Variants in ARID4A observed in about 807,000 individuals in gnomAD.
The protein encoded by ARID4A is AT-rich interactive domain-containing protein 4A.
A neutral mutation model predicts 148.6 loss-of-function variants in ARID4A; 39 were observed. That is an observed-to-expected ratio of 0.26 (90% CI 0.20 to 0.34). The LOEUF is 0.34. ARID4A is among the 10% of genes least tolerant of loss of function. The pLI is 1.00. For missense variants in ARID4A, 1,265 were observed against 1,449.1 expected (o/e 0.87, Z 2.06); for synonymous variants, 475 against 481.2 (o/e 0.99, Z 0.17).
At chr14:58,319,042 T>A (rs1243257062) in intron 7 of ARID4A, among the ~76,000 whole-genome samples, 1 of 152,126 alleles carries the variant, frequency 6.6e-6, no homozygotes, top group African/African-American at 2.4e-5. Context: ...TTGCCGAAGT[T>A]TTTTTTGTTT....
chr14:58,346,285 T>A (rs2034362079), intron 12 of ARID4A, 126 bp from the exon 13 acceptor site: 2 of 557,526 alleles, frequency 3.6e-6, no homozygotes, highest in East Asian at 6.4e-5. Flanking sequence ...TTACATTGTT[T>A]AAGGCTCTTT....
chr14:58,341,063 CTCTG>C (rs930746597), intron 11 of ARID4A, among the ~76,000 whole-genome samples: 2 of 152,108 alleles, frequency 1.3e-5, no homozygotes, highest in African/African-American at 4.8e-5. Context: ...CCATCAGTCT[CTCTG>C]TCTTTCTCTC....
At chr14:58,349,990 T>G (rs989707151) in intron 15 of ARID4A, among the ~76,000 whole-genome samples, 69 of 150,482 alleles carry the variant, frequency 4.6e-4, no homozygotes, top group African/African-American at 1.6e-3. Context: ...GCGCCTGTAG[T>G]CCCAGCTACT....
Position 58,304,933 on chromosome 14 carries a change from A to C in ARID4A, c.118-11A>C. On this transcript the variant is annotated splice_polypyrimidine_tract_variant and intron_variant, in intron 3 of 23. Coordinates refer to ENST00000355431, the MANE Select transcript of ARID4A (RefSeq NM_002892.4). Reference sequence around the variant, plus strand: ...AGTAATATGCAAATTATTGTGCAAAATGTTTTTCAGGTACTCCTGAAACAG... The same window carrying C: ...AGTAATATGCAAATTATTGTGCAAACTGTTTTTCAGGTACTCCTGAAACAG... The C allele has an allele frequency of 6.2e-7, 1 of 1,603,466 alleles. No individual in the cohort carries two copies. Among genetic ancestry groups the C allele is most frequent in the Non-Finnish European group, 8.5e-7 (1 of 1,176,022 alleles).
chr14:58,345,625 T>A (rs1231881936), intron 12 of ARID4A, among the ~76,000 whole-genome samples: 1 of 152,070 alleles, frequency 6.6e-6, no homozygotes, highest in African/African-American at 2.4e-5. Flanking sequence ...ATCCTTCAGA[T>A]TACTGCTAAC....
chr14:58,357,645 T>C (rs2034943845), intron 17 of ARID4A, among the ~76,000 whole-genome samples: 1 of 148,714 alleles, frequency 6.7e-6, no homozygotes, highest in African/African-American at 2.5e-5. Flanking sequence ...TCATCAGCTA[T>C]CGTTAGTGTT....
Position 58,335,912 on chromosome 14 carries a change from C to CT in ARID4A, c.906+5746dup, listed in dbSNP as rs759322275. ...CAATCTTACTCCAAGCCACTGTTCT[C>CT]TTTACCTAGCCTAATGCAATAACAA... On this transcript the variant is annotated intron_variant, in intron 11 of 23. Coordinates refer to ENST00000355431, the MANE Select transcript of ARID4A (RefSeq NM_002892.4). Among the ~76,000 whole-genome samples, 4 of 152,224 alleles carry CT rather than the reference C, an allele frequency of 2.6e-5. 1 individual carries two copies.
intron 5 of ARID4A, among the ~76,000 whole-genome samples, chr14:58,316,061 T>C (rs2180870): frequency 0.17 from 25,620 of 152,216 alleles, 2,571 homozygotes; most frequent in African/African-American, 0.27. Flanking sequence ...AAAAAACTTA[T>C]TCATTAAAGG....
intron 8 of ARID4A, 131 bp downstream of exon 8, chr14:58,323,748 A>G (rs1304847495): frequency 4.1e-6 from 3 of 735,130 alleles, no homozygotes; most frequent in East Asian, 2.7e-5. Context: ...TTTTAATTGA[A>G]TAATCATAGT....
At chr14:58,362,964 G>A (rs2035198782) in intron 19 of ARID4A, among the ~76,000 whole-genome samples, 1 of 152,174 alleles carries the variant, frequency 6.6e-6, no homozygotes, top group East Asian at 1.9e-4. Flanking sequence ...TGGTGCTTGT[G>A]TGCAAATTAT....
intron 19 of ARID4A, among the ~76,000 whole-genome samples, chr14:58,363,173 A>G (rs1415070874): frequency 1.3e-5 from 2 of 152,254 alleles, no homozygotes; most frequent in Non-Finnish European, 2.9e-5. Flanking sequence ...TGATAAAACC[A>G]CAAAATAAAA....
intron 16 of ARID4A, among the ~76,000 whole-genome samples, chr14:58,353,043 T>A (rs2034709464): frequency 6.6e-6 from 1 of 152,108 alleles, no homozygotes; most frequent in Non-Finnish European, 1.5e-5. Context: ...TGGGAAACCT[T>A]TAAAATATAA....
intron 15 of ARID4A, 109 bp from the exon 16 acceptor site, chr14:58,350,964 C>T (rs374445683): frequency 4.5e-5 from 52 of 1,143,610 alleles, no homozygotes; most frequent in African/African-American, 1.1e-4. Flanking sequence ...TTCAGGGCCA[C>T]GTTTCAAGCC....
chr14:58,309,434 T>C (rs2031855598), intron 5 of ARID4A, among the ~76,000 whole-genome samples: 1 of 152,200 alleles, frequency 6.6e-6, no homozygotes, highest in African/African-American at 2.4e-5. Context: ...AAGGAATCTG[T>C]AATATGTGGA....
rs200228737 is a variant in ARID4A, at chr14:58,371,844, G to A, written c.3671-42G>A. 29 of 1,457,686 alleles carry A rather than the reference G, an allele frequency of 2.0e-5. No homozygotes were observed. In the East Asian group the frequency reaches 4.8e-4, roughly 24 times the overall value. 90.3% of individuals were successfully genotyped at this position (1,457,686 alleles called of 1,614,324 possible). Reference sequence around the variant, plus strand: ...TTTGCTGTTAGCTGGGTATCTTTGTGTAACAGTTTTTGGATCTAACATAGT... The same window carrying A: ...TTTGCTGTTAGCTGGGTATCTTTGTATAACAGTTTTTGGATCTAACATAGT... On this transcript the variant is annotated intron_variant, in intron 23 of 23. Transcript: ENST00000355431.
chr14:58,310,973 C>CGG (rs1391054401), intron 5 of ARID4A, among the ~76,000 whole-genome samples: 2 of 152,004 alleles, frequency 1.3e-5, no homozygotes, highest in African/African-American at 2.4e-5. Flanking sequence ...AGGCTGGGCA[C>CGG]GGTGGCTCAC....
At chr14:58,360,768 C>A in intron 18 of ARID4A, 133 bp from the exon 19 acceptor site, 1 of 915,044 alleles carries the variant, frequency 1.1e-6, no homozygotes, top group Non-Finnish European at 1.6e-6. Flanking sequence ...CTTGATTCTT[C>A]TGTAAGCACA....
In ARID4A at chr14:58,361,140, C is replaced by T. The variant is rs900508762; in HGVS notation, c.2080+98C>T. ...GAGGATGGCTGACTTTAAAAAAAAT[C>T]AATAACATAAATAATAAAACTTCCA... is the stretch of plus-strand genomic sequence containing the variant. On this transcript the variant is annotated intron_variant, in intron 19 of 23. Coordinates refer to ENST00000355431, the MANE Select transcript of ARID4A (RefSeq NM_002892.4). The T allele has an allele frequency of 2.7e-6, 4 of 1,458,858 alleles. No homozygotes were observed. The African/African-American group carries it at 5.7e-5, about 21-fold the overall frequency. 90.4% of individuals were successfully genotyped at this position (1,458,858 alleles called of 1,614,324 possible). A position where few individuals can be genotyped will look rare whatever the true frequency, so the allele number is the denominator to read the frequency against.
chr14:58,356,511 A>G (rs1301557460), intron 17 of ARID4A, among the ~76,000 whole-genome samples: 1 of 152,148 alleles, frequency 6.6e-6, no homozygotes, highest in Non-Finnish European at 1.5e-5. Flanking sequence ...GATGTTTAAA[A>G]GCCTAATATG....
Sources: allele counts gnomAD v4.1 joint callset (sites outside exome capture counted in the v4.1 genomes callset), GRCh38; gene constraint gnomAD v4.1.1; transcripts MANE v1.5; gene names NCBI Gene and HGNC (gene_info 2026-07-23, HGNC 2026-07-21).